EFNA5: variants seen among roughly 807,000 people sequenced by gnomAD.
The protein encoded by EFNA5 is ephrin-A5.
Under a neutral mutation model 22.9 loss-of-function variants are expected in EFNA5, and 5 were observed. The observed-to-expected ratio is 0.22, with a 90% confidence interval of 0.11 to 0.46. The LOEUF (loss-of-function observed/expected upper bound fraction) is 0.46. Among genes scored for constraint, EFNA5 ranks in the 20% least tolerant of loss-of-function variants. The pLI is 0.99. For missense variants in EFNA5, 237 were observed against 293.3 expected, an observed-to-expected ratio of 0.81 and a Z score of 1.40; for synonymous variants, 113 against 112.2, an observed-to-expected ratio of 1.01 and a Z score of -0.04.
At chr5:107,484,137 T>TG (rs1561407044) in intron 1 of EFNA5, among the ~76,000 whole-genome samples, 1 of 152,178 alleles carries the variant, frequency 6.6e-6, no homozygotes. Context: ...TAACTCCTAA[T>TG]TAGTGCAAAA....
chr5:107,398,184 G>A (rs1747978764), intron 2 of EFNA5, among the ~76,000 whole-genome samples: 1 of 151,964 alleles, frequency 6.6e-6, no homozygotes, highest in Non-Finnish European at 1.5e-5. Context: ...TTCATAGCTT[G>A]TACCAACAAT....
At chr5:107,587,798 T>TAAGCCACTGCGCCTGGCCTGCCAC in intron 1 of EFNA5, among the ~76,000 whole-genome samples, 1 of 152,222 alleles carries the variant, frequency 6.6e-6, no homozygotes, top group Non-Finnish European at 1.5e-5. Flanking sequence ...ATTACAGGCG[T>TAAGCCACTGCGCCTGGCCTGCCAC]AAGCCACTGC....
chr5:107,396,506 C>T (rs990051103), intron 2 of EFNA5, among the ~76,000 whole-genome samples: 1 of 152,150 alleles, frequency 6.6e-6, no homozygotes, highest in African/African-American at 2.4e-5. Context: ...TATCCCTAAG[C>T]AGGGGGCACC....
At chr5:107,424,561 G>A (rs193001987) in intron 2 of EFNA5, among the ~76,000 whole-genome samples, 7 of 152,098 alleles carry the variant, frequency 4.6e-5, no homozygotes, top group Middle Eastern at 3.4e-3. Context: ...TTAAGGCTAT[G>A]AGGAGCTAAG....
chr5:107,632,779 C>A (rs2112537559), intron 1 of EFNA5, among the ~76,000 whole-genome samples: 1 of 152,216 alleles, frequency 6.6e-6, no homozygotes, highest in East Asian at 1.9e-4. Flanking sequence ...GCATATCAAA[C>A]TTTTTAACTA....
In EFNA5 at chr5:107,634,131, G is replaced by A. The variant is rs536654869; in HGVS notation, c.125+36358C>T. ...GATAACAGATACAGTAGAGGTGACC[G>A]GTCTAACCCCCTTTTAAATGACACC... On this transcript the variant is annotated intron_variant, in intron 1 of 4. Transcript: ENST00000333274. Among the ~76,000 whole-genome samples, 27 of 152,194 alleles carry A rather than the reference G, an allele frequency of 1.8e-4. 1 individual carries two copies. Among genetic ancestry groups the A allele is most frequent in the South Asian group, 1.7e-3 (8 of 4,824 alleles).
Position 107,478,060 on chromosome 5 carries a change from C to T in EFNA5, c.126-50551G>A, listed in dbSNP as rs186697553. Among the ~76,000 whole-genome samples, 701 of 152,234 alleles carry T rather than the reference C, an allele frequency of 4.6e-3. 5 individuals are homozygous for T. Among genetic ancestry groups the T allele is most frequent in the Non-Finnish European group, 5.9e-3 (399 of 68,006 alleles). ...GAAAAAGCCTGACCAAAAACCCTGA[C>T]AGATATATAATGCCATGATAGAAAT... On this transcript the variant is annotated intron_variant, in intron 1 of 4. Transcript: ENST00000333274.
At chr5:107,450,467 T>C (rs939247803) in intron 1 of EFNA5, among the ~76,000 whole-genome samples, 3 of 152,212 alleles carry the variant, frequency 2.0e-5, no homozygotes, top group Non-Finnish European at 4.4e-5. Flanking sequence ...CCTCCTAGTG[T>C]CCTTAAGCAT....
chr5:107,551,575 G>A lies in EFNA5; in HGVS notation c.125+118914C>T, dbSNP rs344376. 7.1e-3 allele frequency among the ~76,000 whole-genome samples: 1,079 copies of A among 152,144 alleles called. 8 individuals carry two copies. The highest frequency in any genetic ancestry group is 0.025 in the African/African-American group (1,041 of 41,494). On this transcript the variant is annotated intron_variant, in intron 1 of 4. Transcript: ENST00000333274. ...CCAGCAGCAGAGACTAGAGACCCAC[G>A]TGCCTGGAGTCCAGATTGAGGGATC...
At chr5:107,423,427 AG>A (rs1335179901) in intron 2 of EFNA5, among the ~76,000 whole-genome samples, 4 of 150,786 alleles carry the variant, frequency 2.7e-5, no homozygotes, top group Non-Finnish European at 4.4e-5. Context: ...AAAAAAAAAA[AG>A]ACAGGGTTTT....
intron 1 of EFNA5, among the ~76,000 whole-genome samples, chr5:107,579,840 C>T (rs1432143495): frequency 6.6e-6 from 1 of 152,170 alleles, no homozygotes; most frequent in African/African-American, 2.4e-5. Flanking sequence ...AGAGATTTCA[C>T]TTTTTAGCCA....
In EFNA5 at chr5:107,499,373, G is replaced by A. The variant is rs1305808631; in HGVS notation, c.126-71864C>T. Among the ~76,000 whole-genome samples the A allele has an allele frequency of 3.3e-5, 5 of 152,252 alleles. No individual in the cohort carries two copies. In the South Asian group the frequency reaches 6.2e-4, roughly 19 times the overall value. ...CATCTGCAGCCAACAGCTGGAATTC[G>A]GCAACTGTTGTTAATCCACCTTAAT... On this transcript the variant is annotated intron_variant, in intron 1 of 4. Transcript: ENST00000333274.
chr5:107,578,485 G>A (rs1748972226), intron 1 of EFNA5, among the ~76,000 whole-genome samples: 1 of 152,052 alleles, frequency 6.6e-6, no homozygotes, highest in South Asian at 2.1e-4. Context: ...CTAATCAGTA[G>A]AGGAAAAAAA....
intron 2 of EFNA5, among the ~76,000 whole-genome samples, chr5:107,392,153 T>C (rs1747807163): frequency 1.3e-5 from 2 of 152,230 alleles, no homozygotes. Flanking sequence ...GGTACTGCCA[T>C]CATGCTTGTG....
At chr5:107,382,467 G>A (rs1433812159) in intron 4 of EFNA5, among the ~76,000 whole-genome samples, 1 of 152,038 alleles carries the variant, frequency 6.6e-6, no homozygotes, top group Non-Finnish European at 1.5e-5. Context: ...TGACCTCCTG[G>A]GCTCAAGCAA....
At chr5:107,554,739 A>C (rs1219943045) in intron 1 of EFNA5, among the ~76,000 whole-genome samples, 1 of 152,198 alleles carries the variant, frequency 6.6e-6, no homozygotes, top group Non-Finnish European at 1.5e-5. Flanking sequence ...TATCAGTAAT[A>C]ACCCTATGGA....
At chr5:107,629,578 T>C (rs2112535006) in intron 1 of EFNA5, among the ~76,000 whole-genome samples, 1 of 152,252 alleles carries the variant, frequency 6.6e-6, no homozygotes, top group East Asian at 1.9e-4. Context: ...ATGTTGATAA[T>C]GGGAGAAGCT....
At chr5:107,448,332 T>C (rs1001155693) in intron 1 of EFNA5, among the ~76,000 whole-genome samples, 1 of 152,210 alleles carries the variant, frequency 6.6e-6, no homozygotes, top group African/African-American at 2.4e-5. Context: ...TATTCTTCCA[T>C]TAAACGACTA....
At chr5:107,583,066 T>A (rs1749103268) in intron 1 of EFNA5, among the ~76,000 whole-genome samples, 1 of 152,190 alleles carries the variant, frequency 6.6e-6, no homozygotes, top group Non-Finnish European at 1.5e-5. Flanking sequence ...AACATTTATA[T>A]ATATGAACTA....
Sources: allele counts gnomAD v4.1 joint callset (sites outside exome capture counted in the v4.1 genomes callset), GRCh38; gene constraint gnomAD v4.1.1; transcripts MANE v1.5; gene names NCBI Gene and HGNC (gene_info 2026-07-23, HGNC 2026-07-21).